SLCO6A1: variants seen among roughly 807,000 people sequenced by gnomAD.
The protein encoded by SLCO6A1 is solute carrier organic anion transporter family member 6A1.
A neutral mutation model predicts 72.7 loss-of-function variants in SLCO6A1; 65 were observed. The ratio of observed to expected loss-of-function variants is 0.89; its 90% CI spans 0.73 to 1.10. SLCO6A1 has a LOEUF of 1.10. Ranked by LOEUF, SLCO6A1 falls within the 50% of genes least tolerant of loss-of-function variation. The pLI is 0.00. For missense variants in SLCO6A1, 874 were observed against 872.6 expected, an observed-to-expected ratio of 1.00 and a Z score of -0.02; for synonymous variants, 314 against 298.2, an observed-to-expected ratio of 1.05 and a Z score of -0.55.
chr5:102,446,665 TC>T (rs1750124506), intron 6 of SLCO6A1, among the ~76,000 whole-genome samples: 1 of 152,226 alleles, frequency 6.6e-6, no homozygotes, highest in Admixed American at 6.5e-5. Context: ...TTCCAGCTTT[TC>T]CCCATTCAGT....
At chr5:102,482,741 T>G (rs1258889710) in intron 1 of SLCO6A1, among the ~76,000 whole-genome samples, 1 of 152,230 alleles carries the variant, frequency 6.6e-6, no homozygotes, top group Non-Finnish European at 1.5e-5. Flanking sequence ...ATGGTAATAC[T>G]GCTTTATATG....
chr5:102,390,959 A>T (rs1347729244), intron 11 of SLCO6A1, 22 bp downstream of exon 11: 2 of 1,609,962 alleles, frequency 1.2e-6, no homozygotes, highest in Admixed American at 3.3e-5. Flanking sequence ...TGATGTAATA[A>T]GAGATTGCCA....
chr5:102,491,764 C>T (rs147447968), intron 1 of SLCO6A1, among the ~76,000 whole-genome samples: 10,936 of 152,356 alleles, frequency 0.072, 453 homozygotes, highest in African/African-American at 0.1. Context: ...GAGCCGGCTC[C>T]GGCCTTGGCC....
chr5:102,430,678 G>A (rs1467849955), intron 7 of SLCO6A1, among the ~76,000 whole-genome samples: 3 of 152,040 alleles, frequency 2.0e-5, no homozygotes, highest in Non-Finnish European at 4.4e-5. Flanking sequence ...AGCTTTTGAT[G>A]TACTGCTGGA....
intron 12 of SLCO6A1, among the ~76,000 whole-genome samples, chr5:102,373,767 C>T (rs999478665): frequency 6.6e-6 from 1 of 152,132 alleles, no homozygotes; most frequent in Non-Finnish European, 1.5e-5. Flanking sequence ...AATTCTGAAA[C>T]ATGAAATATA....
At chr5:102,388,054 T>G (rs1466958893) in intron 12 of SLCO6A1, among the ~76,000 whole-genome samples, 1 of 152,110 alleles carries the variant, frequency 6.6e-6, no homozygotes, top group Non-Finnish European at 1.5e-5. Flanking sequence ...AAATATGAAG[T>G]GTAGATTTAA....
Position 102,373,384 on chromosome 5 carries a change from T to A in SLCO6A1, c.2128A>T (p.Lys710Ter). The stretch of plus-strand genomic sequence containing the variant: ...TCAGTTTCTTCTTTTTTCTTAACTT[T>A]TGGATTCTTCACAGTTACATCTGGG... The part of the protein sequence containing the change: ...DFPDVTVKNP[K>*]VKKKEETDL Residue 710 changes from lysine (K) to a stop codon, truncating the protein, a stop_gained, in exon 13 of 14, where the codon AAA becomes TAA. Transcript: ENST00000506729. LOFTEE classifies it high-confidence loss of function. The A allele has an allele frequency of 3.2e-6, 5 of 1,575,166 alleles. No homozygotes were observed. The highest frequency in any genetic ancestry group is 4.3e-6 in the Non-Finnish European group (5 of 1,164,766).
chr5:102,469,140 C>T (rs10050986), intron 4 of SLCO6A1, among the ~76,000 whole-genome samples: 96,587 of 151,550 alleles, frequency 0.64, 30,942 homozygotes, highest in African/African-American at 0.66. Flanking sequence ...CTTGGCTATG[C>T]AGGCTTTTTT....
At chr5:102,412,223 A>G (rs539229450) in intron 9 of SLCO6A1, among the ~76,000 whole-genome samples, 8 of 152,102 alleles carry the variant, frequency 5.3e-5, no homozygotes, top group African/African-American at 1.9e-4. Context: ...TATTTCTCAA[A>G]TGTATTTGAC....
intron 9 of SLCO6A1, among the ~76,000 whole-genome samples, chr5:102,408,122 T>C (rs943699959): frequency 6.6e-6 from 1 of 152,166 alleles, no homozygotes; most frequent in Non-Finnish European, 1.5e-5. Context: ...TTTTTTCCTA[T>C]ACATACATAC....
intron 8 of SLCO6A1, among the ~76,000 whole-genome samples, chr5:102,413,794 T>A (rs1288246519): frequency 6.6e-6 from 1 of 152,184 alleles, no homozygotes; most frequent in Admixed American, 6.5e-5. Context: ...TTTAAAAAAA[T>A]GTTAGACATT....
intron 10 of SLCO6A1, 67 bp from the exon 11 acceptor site, chr5:102,391,112 T>C: frequency 7.0e-7 from 1 of 1,423,322 alleles, no homozygotes; most frequent in African/African-American, 1.4e-5. Context: ...GTATGCTAGA[T>C]TCAAGGCTAA....
chr5:102,444,169 GA>G (rs1447149689), intron 6 of SLCO6A1, among the ~76,000 whole-genome samples: 1 of 152,132 alleles, frequency 6.6e-6, no homozygotes, highest in African/African-American at 2.4e-5. Flanking sequence ...TTAAGCTAAG[GA>G]TAGTCCTCTA....
At chr5:102,422,145 A>C (rs1269184115) in intron 7 of SLCO6A1, among the ~76,000 whole-genome samples, 2 of 152,242 alleles carry the variant, frequency 1.3e-5, no homozygotes, top group African/African-American at 4.8e-5. Context: ...TCAAAGGTAG[A>C]TAAATCCATA....
rs552588534 is a variant in SLCO6A1, at chr5:102,436,803, C to T, written c.1276+1814G>A. Among the ~76,000 whole-genome samples the T allele has an allele frequency of 5.9e-5, 9 of 152,288 alleles. No homozygotes were observed. In the South Asian group the frequency reaches 1.9e-3, roughly 32 times the overall value. On this transcript the variant is annotated intron_variant, in intron 7 of 13. Transcript: ENST00000506729. ...CTACTAGCTTACACTGCCATCTTGT[C>T]AAAACCAAAGTCCTAACTTACAGCA...
At chr5:102,373,648 T>C (rs1196100421) in intron 12 of SLCO6A1, among the ~76,000 whole-genome samples, 154 bp from the exon 13 acceptor site, 2 of 151,424 alleles carry the variant, frequency 1.3e-5, no homozygotes, top group African/African-American at 4.8e-5. Context: ...TAAAATTATA[T>C]TAAGTTACTT....
At chr5:102,416,770 G>A (rs1017718839) in intron 8 of SLCO6A1, among the ~76,000 whole-genome samples, 5 of 152,228 alleles carry the variant, frequency 3.3e-5, no homozygotes, top group East Asian at 1.9e-4. Flanking sequence ...GATTGGTTTT[G>A]CAATCCGGAA....
At chr5:102,373,290 A>T in intron 13 of SLCO6A1, 47 bp downstream of exon 13, 1 of 1,205,858 alleles carries the variant, frequency 8.3e-7, no homozygotes, top group Non-Finnish European at 1.1e-6. Flanking sequence ...TTTAAATTTT[A>T]TTAATATTAA....
chr5:102,429,487 A>G (rs955255770), intron 7 of SLCO6A1, among the ~76,000 whole-genome samples: 2 of 152,006 alleles, frequency 1.3e-5, no homozygotes, highest in African/African-American at 4.8e-5. Context: ...TGTATATGGT[A>G]TAAAGAGAGA....
Sources: allele counts gnomAD v4.1 joint callset (sites outside exome capture counted in the v4.1 genomes callset), GRCh38; gene constraint gnomAD v4.1.1; transcripts MANE v1.5; gene names NCBI Gene and HGNC (gene_info 2026-07-23, HGNC 2026-07-21).